The following AP2B1 variants were observed in gnomAD, a reference collection of about 807,000 sequenced individuals.
The protein encoded by AP2B1 is adaptor related protein complex 2 subunit beta 1.
A neutral mutation model predicts 102.0 loss-of-function variants in AP2B1; 23 were observed. The observed-to-expected ratio is 0.23, with a 90% CI of 0.16 to 0.32. The LOEUF (loss-of-function observed/expected upper bound fraction) is 0.32, where lower values mean the gene tolerates loss of function less well. Among genes scored for constraint, AP2B1 ranks in the 10% least tolerant of loss-of-function variants. The pLI is 1.00. For synonymous variants in AP2B1, 381 were observed against 421.2 expected, an observed-to-expected ratio of 0.90 and a Z score of 1.17; for missense variants, 541 against 1,157.4, an observed-to-expected ratio of 0.47 and a Z score of 7.73.
At chr17:35,633,586 T>C (rs1000621844) in intron 9 of AP2B1, among the ~76,000 whole-genome samples, 3 of 152,188 alleles carry the variant, frequency 2.0e-5, no homozygotes, top group Admixed American at 6.5e-5. Context: ...CTTGAGCAAA[T>C]ACTGATATGT....
intron 17 of AP2B1, among the ~76,000 whole-genome samples, chr17:35,676,385 A>G (rs58225208): frequency 0.017 from 2,599 of 152,292 alleles, 73 homozygotes; most frequent in African/African-American, 0.06. Context: ...ATTACATAAT[A>G]TGGAATCTTG....
In AP2B1 at chr17:35,657,647, G is replaced by A; in HGVS notation, c.1845G>A (p.Leu615=). Residue 615 remains leucine, a synonymous_variant, in exon 14 of 22, where the codon CTG becomes CTA. Transcript: ENST00000610402. ...TTGGCACTACCACTGCAACGAACCT[G>A]GAACAGCCTCAGGTTATCCCCTCTC... The part of the protein sequence containing the change: ...SPVGTTTATN[L]EQPQVIPSQG... The A allele has an allele frequency of 1.2e-6, 2 of 1,614,072 alleles. No individual in the cohort carries two copies. Among genetic ancestry groups the A allele is most frequent in the Non-Finnish European group, 1.7e-6 (2 of 1,179,964 alleles).
At chr17:35,695,079 T>C (rs2076115736) in intron 18 of AP2B1, among the ~76,000 whole-genome samples, 2 of 152,142 alleles carry the variant, frequency 1.3e-5, no homozygotes, top group Admixed American at 1.3e-4. Flanking sequence ...AAAGAAAGAC[T>C]GGTCCCTTTC....
intron 18 of AP2B1, among the ~76,000 whole-genome samples, chr17:35,703,831 T>TG (rs2076287522): frequency 3.4e-4 from 3 of 8,836 alleles, no homozygotes; most frequent in Admixed American, 3.2e-3. Context: ...GAACTTGAAA[T>TG]AAAAGTTCAG....
chr17:35,702,190 G>A (rs2076252211), intron 18 of AP2B1, among the ~76,000 whole-genome samples: 1 of 152,142 alleles, frequency 6.6e-6, no homozygotes, highest in African/African-American at 2.4e-5. Flanking sequence ...GGAGGACAGT[G>A]GAAAAATATA....
chr17:35,587,407 C>G lies in AP2B1; in HGVS notation c.-45C>G. On this transcript the variant is annotated 5_prime_UTR_variant, in exon 1 of 22. Coordinates refer to ENST00000610402, the MANE Select transcript of AP2B1 (RefSeq NM_001030006.2). ...TCCGGCTCCCGCCGCCACCCCCGCC[C>G]TCGCCTTCGCCTCCGCCTCCGGTGA... 1 of 153,288 alleles carries G rather than the reference C, an allele frequency of 6.5e-6. No homozygotes were observed. Among genetic ancestry groups the G allele is most frequent in the East Asian group, 1.9e-4 (1 of 5,228 alleles). The allele number at this position is 153,288 out of a possible 1,614,324, so 9.5% of individuals were successfully genotyped here. A position where few individuals can be genotyped will look rare whatever the true frequency, so the allele number is the denominator to read the frequency against.
intron 1 of AP2B1, among the ~76,000 whole-genome samples, chr17:35,589,383 A>G (rs745442717): frequency 3.3e-5 from 5 of 152,230 alleles, no homozygotes; most frequent in Non-Finnish European, 7.3e-5. Context: ...AGAAGGGTTT[A>G]GTGACTTTAC....
intron 21 of AP2B1, among the ~76,000 whole-genome samples, chr17:35,718,324 G>A (rs1477003389): frequency 9.6e-6 from 1 of 103,910 alleles, no homozygotes; most frequent in Non-Finnish European, 2.2e-5. Flanking sequence ...GTGTGTGTGT[G>A]TGTGTGTGTG....
intron 9 of AP2B1, among the ~76,000 whole-genome samples, chr17:35,634,184 G>C (rs1160802527): frequency 6.6e-6 from 1 of 152,136 alleles, no homozygotes; most frequent in African/African-American, 2.4e-5. Context: ...TGTCTCTTAA[G>C]TCTTTTTACT....
At chr17:35,671,932 T>G (rs1373767641) in intron 16 of AP2B1, 32 bp downstream of exon 16, 1 of 1,608,618 alleles carries the variant, frequency 6.2e-7, no homozygotes, top group Non-Finnish European at 8.5e-7. Context: ...CAATACTTTC[T>G]TAATGGACAG....
At chr17:35,652,193 T>C (rs1433800787) in intron 13 of AP2B1, among the ~76,000 whole-genome samples, 2 of 152,236 alleles carry the variant, frequency 1.3e-5, no homozygotes, top group African/African-American at 4.8e-5. Flanking sequence ...CCTTTTTGGA[T>C]AACCTCCTTT....
At chr17:35,705,788 C>A (rs2076329158) in intron 18 of AP2B1, among the ~76,000 whole-genome samples, 1 of 152,116 alleles carries the variant, frequency 6.6e-6, no homozygotes, top group Admixed American at 6.5e-5. Flanking sequence ...TCCCAAGGCT[C>A]ACATGGTGGC....
At chr17:35,643,028 T>C (rs74384531) in intron 12 of AP2B1, among the ~76,000 whole-genome samples, 1 of 134,582 alleles carries the variant, frequency 7.4e-6, no homozygotes, top group African/African-American at 2.8e-5. Context: ...CCCCACAGCC[T>C]TTTTTTTTTT....
chr17:35,625,395 G>GCTCA (rs746046504), intron 6 of AP2B1, among the ~76,000 whole-genome samples: 86 of 152,244 alleles, frequency 5.6e-4, no homozygotes, highest in Non-Finnish European at 9.9e-4. Flanking sequence ...CTGAACTAAA[G>GCTCA]CTCACTCTGA....
intron 14 of AP2B1, among the ~76,000 whole-genome samples, chr17:35,670,342 A>G (rs920200489): frequency 1.3e-5 from 2 of 152,182 alleles, no homozygotes; most frequent in African/African-American, 2.4e-5. Context: ...TTGCAGCTCA[A>G]TACTAGTTTG....
At chr17:35,656,124 C>G (rs1324783099) in intron 13 of AP2B1, among the ~76,000 whole-genome samples, 1 of 152,142 alleles carries the variant, frequency 6.6e-6, no homozygotes, top group Non-Finnish European at 1.5e-5. Flanking sequence ...CAGTTTATTA[C>G]TTTTTTTCTT....
chr17:35,718,312 C>CTGTGTGTGTG (rs57852031), intron 21 of AP2B1, among the ~76,000 whole-genome samples: 34 of 139,350 alleles, frequency 2.4e-4, no homozygotes, highest in Admixed American at 5.8e-4. Context: ...GTTGGAGTAG[C>CTGTGTGTGTG]TGTGTGTGTG....
chr17:35,598,168 G>A (rs1468921318), intron 2 of AP2B1, 62 bp from the exon 3 acceptor site: 3 of 919,762 alleles, frequency 3.3e-6, no homozygotes, highest in South Asian at 1.5e-5. Flanking sequence ...ATTACATAGT[G>A]TAGTATTCTG....
chr17:35,689,468 T>G (rs1472696665), intron 18 of AP2B1, among the ~76,000 whole-genome samples: 1 of 152,212 alleles, frequency 6.6e-6, no homozygotes, highest in East Asian at 1.9e-4. Flanking sequence ...CAGCTCAGTA[T>G]GTGTCTTTAA....
Sources: gnomAD v4.1 joint callset for allele counts (sites outside exome capture counted in the v4.1 genomes callset) on GRCh38, gnomAD v4.1.1 for gene constraint, MANE v1.5 for transcripts, NCBI Gene and HGNC (gene_info 2026-07-23, HGNC 2026-07-21) for gene names.